The following YARS1 variants were observed in gnomAD, a reference collection of about 807,000 sequenced individuals.
YARS1 encodes the protein tyrosine--tRNA ligase, cytoplasmic.
Under a neutral mutation model 62.2 loss-of-function variants are expected in YARS1, and 36 were observed. That is an observed-to-expected ratio of 0.58 (90% CI 0.44 to 0.76). The LOEUF (loss-of-function observed/expected upper bound fraction) is 0.76. Among genes scored for constraint, YARS1 ranks in the 30% least tolerant of loss-of-function variants. The pLI is 0.00. For missense variants in YARS1, 524 were observed against 639.8 expected, an observed-to-expected ratio of 0.82 and a Z score of 1.95; for synonymous variants, 234 against 244.9, an observed-to-expected ratio of 0.96 and a Z score of 0.42.
chr1:32,810,887 A>G (rs1166339797), intron 2 of YARS1, 24 bp downstream of exon 2: 5 of 1,614,110 alleles, frequency 3.1e-6, no homozygotes, highest in South Asian at 2.2e-5. Context: ...TCATTCCCCA[A>G]GGGCTTATAG....
Position 32,791,266 on chromosome 1 carries a change from G to C in YARS1, c.592-12C>G. 1.2e-6 allele frequency: 2 copies of C among 1,609,904 alleles called. No homozygotes were observed. The highest frequency in any genetic ancestry group is 1.7e-6 in the Non-Finnish European group (2 of 1,176,142). ...AGTGCAGGGAGGTACTGAGAGATTA[G>C]AGAAACACACAAAAGCCGATATTAG... is the stretch of plus-strand genomic sequence containing the variant. On this transcript the variant is annotated splice_polypyrimidine_tract_variant and intron_variant, in intron 5 of 12. Coordinates refer to ENST00000373477, the MANE Select transcript of YARS1 (RefSeq NM_003680.4).
rs1174780120 is a variant in YARS1, at chr1:32,787,002, C to G, written c.758G>C (p.Gly253Ala). The change falls in exon 7 of 13, where the codon GGA (glycine) becomes GCA (alanine). Residue 253 changes from glycine (G) to alanine (A), a missense_variant. Physicochemically the swap from Gly to Ala is moderately conservative, Grantham distance 60. Transcript: ENST00000373477. ...CAGAACCCCATTGTTCTCCACATTT[C>G]CTGGCTCACAGAAGGCCTTCTTCAG... is the stretch of plus-strand genomic sequence containing the variant. The part of the protein sequence containing the change: ...KKLKKAFCEP[G>A]NVENNGVLSF... The G allele has an allele frequency of 1.2e-6, 2 of 1,614,188 alleles. No individual in the cohort carries two copies. Among genetic ancestry groups the G allele is most frequent in the Admixed American group, 1.7e-5 (1 of 60,018 alleles).
At position 32,817,259 on chromosome 1, in the gene YARS1, T is replaced by C; in HGVS notation, c.-15A>G. 1 of 1,613,892 alleles carries C rather than the reference T, an allele frequency of 6.2e-7. No homozygotes were observed. The highest frequency in any genetic ancestry group is 8.5e-7 in the Non-Finnish European group (1 of 1,179,950). ...GCGTCCCCCATGGCTCCGCTACCCCTGCTTCCCCCGCTCAGCCCGGCACCA... is the reference window on the plus strand; with the variant it reads ...GCGTCCCCCATGGCTCCGCTACCCCCGCTTCCCCCGCTCAGCCCGGCACCA... On this transcript the variant is annotated 5_prime_UTR_variant, in exon 1 of 13. Transcript: ENST00000373477.
At chr1:32,816,034 G>A (rs1351093959) in intron 1 of YARS1, among the ~76,000 whole-genome samples, 2 of 151,558 alleles carry the variant, frequency 1.3e-5, no homozygotes, top group Non-Finnish European at 2.9e-5. Flanking sequence ...GCGTGAACCT[G>A]GGAGGCGGAG....
chr1:32,794,371 G>A (rs772511467), intron 5 of YARS1, among the ~76,000 whole-genome samples: 1 of 151,858 alleles, frequency 6.6e-6, no homozygotes, highest in African/African-American at 2.4e-5. Flanking sequence ...AAAAAAAATG[G>A]TAGTAAAGTC....
rs567579375 is a variant in YARS1, at chr1:32,776,223, C to T, written c.1477-132G>A. On this transcript the variant is annotated intron_variant, in intron 12 of 12. Coordinates refer to ENST00000373477, the MANE Select transcript of YARS1 (RefSeq NM_003680.4). The surrounding 1 kb of genome is among the most constrained non-coding windows in gnomAD (Gnocchi z 4.0). Reference sequence around the variant, plus strand: ...AGTGCAATGGCGTGATCTTGGCTCACCGCAACCTCTGCCTCCCAGGTTCAA... The same window carrying T: ...AGTGCAATGGCGTGATCTTGGCTCATCGCAACCTCTGCCTCCCAGGTTCAA... 178 of 764,732 alleles carry T rather than the reference C, an allele frequency of 2.3e-4. 1 individual carries two copies. In the South Asian group the frequency reaches 2.6e-3, roughly 11 times the overall value. The allele number at this position is 764,732 out of a possible 1,614,324, so 47.4% of individuals were successfully genotyped here. A position where few individuals can be genotyped will look rare whatever the true frequency, so the allele number is the denominator to read the frequency against.
At chr1:32,792,723 A>G (rs1272141146) in intron 5 of YARS1, among the ~76,000 whole-genome samples, 3 of 151,932 alleles carry the variant, frequency 2.0e-5, no homozygotes, top group African/African-American at 7.3e-5. Flanking sequence ...TACTAAAAAT[A>G]TAAAAAATTA....
intron 1 of YARS1, among the ~76,000 whole-genome samples, chr1:32,813,141 C>A (rs1638624166): frequency 6.6e-6 from 1 of 152,016 alleles, no homozygotes; most frequent in African/African-American, 2.4e-5. Context: ...CCAATGTATA[C>A]CTTACTTGTA....
At position 32,780,220 on chromosome 1, in the gene YARS1, C is replaced by A; in HGVS notation, c.1199G>T (p.Arg400Leu). The A allele has an allele frequency of 6.2e-7, 1 of 1,614,154 alleles. No individual in the cohort carries two copies. Among genetic ancestry groups the A allele is most frequent in the Non-Finnish European group, 8.5e-7 (1 of 1,180,032 alleles). ...EKIDVGEAEP[R>L]TVVSGLVQFV... Reference sequence around the variant, plus strand: ...CTGTACCAGGCCGCTCACCACAGTCCGTGGTTCAGCTTCCCCCACGTCAAT... The same window carrying A: ...CTGTACCAGGCCGCTCACCACAGTCAGTGGTTCAGCTTCCCCCACGTCAAT... Residue 400 changes from arginine to leucine, a missense_variant, in exon 11 of 13, where the codon CGG becomes CTG. By Grantham distance (102) the Arg-to-Leu change is moderately radical (BLOSUM62 -2). Transcript: ENST00000373477.
chr1:32,787,596 G>A (rs562325203), intron 6 of YARS1, among the ~76,000 whole-genome samples: 62 of 151,120 alleles, frequency 4.1e-4, no homozygotes, highest in African/African-American at 1.4e-3. Flanking sequence ...TGGAAGCTCC[G>A]CCTCCTGGGT....
chr1:32,796,151 C>T (rs1262697290), intron 5 of YARS1, among the ~76,000 whole-genome samples: 5 of 150,844 alleles, frequency 3.3e-5, no homozygotes, highest in East Asian at 4.0e-4. Flanking sequence ...AAAAATTAGC[C>T]GGGTGTGGTG....
intron 4 of YARS1, chr1:32,798,342 A>G (rs1653668626): frequency 5.6e-6 from 1 of 178,934 alleles, no homozygotes; most frequent in Non-Finnish European, 1.2e-5. Context: ...ACATTACTCT[A>G]TGTGGATGTC....
At chr1:32,790,894 A>C (rs1380109352) in intron 6 of YARS1, 1 of 437,878 alleles carries the variant, frequency 2.3e-6, no homozygotes, top group African/African-American at 2.0e-5. Flanking sequence ...AATAAGGCTG[A>C]ATTTCATCAC....
chr1:32,791,412 G>A (rs765472290), intron 5 of YARS1, among the ~76,000 whole-genome samples, 158 bp from the exon 6 acceptor site: 6 of 152,258 alleles, frequency 3.9e-5, no homozygotes, highest in African/African-American at 1.2e-4. Context: ...TAATTCAAGC[G>A]AAGTTTTTTT....
Position 32,810,760 on chromosome 1 carries a change from T to C in YARS1, c.211A>G (p.Ile71Val), listed in dbSNP as rs145768628. The change falls in exon 3 of 13, where the codon ATT becomes GTT. Residue 71 changes from isoleucine to valine, a missense_variant. Ile to Val is a conservative substitution (Grantham distance 29). Coordinates refer to ENST00000373477, the MANE Select transcript of YARS1 (RefSeq NM_003680.4). ...TATGCGTGGAGGTCCGCAAACAGAATTGTTACCTGGACAAGAGATAAGGGG... is the reference window on the plus strand; with the variant it reads ...TATGCGTGGAGGTCCGCAAACAGAACTGTTACCTGGACAAGAGATAAGGGG... ...DFLKAGCEVTILFADLHAYLD... is the reference protein window; with the variant it reads ...DFLKAGCEVTVLFADLHAYLD... 15 of 1,614,028 alleles carry C rather than the reference T, an allele frequency of 9.3e-6. No individual in the cohort carries two copies. The African/African-American group carries it at 9.3e-5, about 10-fold the overall frequency.
intron 9 of YARS1, chr1:32,781,980 A>AT (rs772679724): frequency 0.025 from 3,617 of 144,242 alleles, 72 homozygotes; most frequent in East Asian, 0.059. Flanking sequence ...TGCCTGGCTA[A>AT]TTTTTTTTTT....
chr1:32,804,594 C>T (rs1028929535), intron 4 of YARS1, among the ~76,000 whole-genome samples: 10 of 142,844 alleles, frequency 7.0e-5, no homozygotes, highest in African/African-American at 1.6e-4. Context: ...GTTCCCAGAC[C>T]GGGTCGCGGC....
At chr1:32,788,648 G>C (rs1653315932) in intron 6 of YARS1, among the ~76,000 whole-genome samples, 3 of 151,956 alleles carry the variant, frequency 2.0e-5, no homozygotes, top group South Asian at 2.1e-4. Context: ...TCAGGCTGGT[G>C]TCGAACTCCC....
At chr1:32,784,761 CATATAG>C (rs1455881388) in intron 8 of YARS1, among the ~76,000 whole-genome samples, 5 of 152,036 alleles carry the variant, frequency 3.3e-5, no homozygotes, top group African/African-American at 9.7e-5. Context: ...TTAAAAAACA[CATATAG>C]ATATATATGT....
Sources: allele counts gnomAD v4.1 joint callset (sites outside exome capture counted in the v4.1 genomes callset), GRCh38; gene constraint gnomAD v4.1.1; non-coding constraint Gnocchi (gnomAD v3.1); transcripts MANE v1.5; gene names NCBI Gene and HGNC (gene_info 2026-07-23, HGNC 2026-07-21).